IL1RN: variants seen among roughly 807,000 people sequenced by gnomAD.
IL1RN encodes interleukin 1 receptor antagonist, also known as interleukin-1 receptor antagonist protein.
Under a neutral mutation model 13.7 loss-of-function variants are expected in IL1RN, and 10 were observed. The ratio of observed to expected loss-of-function variants is 0.73; its 90% confidence interval spans 0.45 to 1.24. The LOEUF (loss-of-function observed/expected upper bound fraction) is 1.24, where lower values mean the gene tolerates loss of function less well. Ranked by LOEUF, IL1RN falls within the 50% of genes most tolerant of loss-of-function variation. The probability of loss-of-function intolerance (pLI) is 0.00; values close to 1 mark genes in which losing one functional copy is unlikely to be tolerated. For synonymous variants in IL1RN, 102 were observed against 82.7 expected, an observed-to-expected ratio of 1.23 and a Z score of -1.27; for missense variants, 213 against 222.1, an observed-to-expected ratio of 0.96 and a Z score of 0.26.
At chr2:113,106,842 A>G (rs1686393823), upstream of IL1RN, among the ~76,000 whole-genome samples, 1 of 152,234 alleles carries the variant, frequency 6.6e-6, no homozygotes, top group South Asian at 2.1e-4. Context: ...AAATAAATCA[A>G]ATTAAAAAGT....
In IL1RN at chr2:113,133,664, A is replaced by T. The variant is rs1687253220; in HGVS notation, c.*793A>T. The T allele has an allele frequency of 6.5e-6, 1 of 152,684 alleles. No homozygotes were observed. The highest frequency in any genetic ancestry group is 1.5e-5 in the Non-Finnish European group (1 of 68,130). The allele number at this position is 152,684 out of a possible 1,614,324, so 9.5% of individuals were successfully genotyped here. ...CAGATTTTTTACAGCTGCCTGCAGTACTTTACCTCCTATCAGAAGTTTCTC... is the reference window on the plus strand; with the variant it reads ...CAGATTTTTTACAGCTGCCTGCAGTTCTTTACCTCCTATCAGAAGTTTCTC... On this transcript the variant is annotated 3_prime_UTR_variant, in exon 4 of 4. Coordinates refer to ENST00000409930, the MANE Select transcript of IL1RN (RefSeq NM_173842.3).
chr2:113,119,030 C>T (rs1475403491), intron 1 of IL1RN, among the ~76,000 whole-genome samples: 1 of 152,046 alleles, frequency 6.6e-6, no homozygotes, highest in East Asian at 1.9e-4. Context: ...GAGAGAGACG[C>T]TCTCTCTAAA....
upstream of IL1RN, among the ~76,000 whole-genome samples, chr2:113,109,777 A>C (rs1686463037): frequency 2.0e-5 from 3 of 151,528 alleles, 1 homozygote; most frequent in Admixed American, 2.0e-4. Flanking sequence ...AAAAAAAAAA[A>C]CCTCAGCATA....
chr2:113,107,493 G>C (rs1686404938), upstream of IL1RN: 1 of 151,636 alleles, frequency 6.6e-6, no homozygotes, highest in South Asian at 2.1e-4. Flanking sequence ...GGAAGCCAAG[G>C]AACGTGGATC....
At chr2:113,120,189 T>C (rs1381088570) in intron 2 of IL1RN, 1 of 1,127,330 alleles carries the variant, frequency 8.9e-7, no homozygotes, top group Admixed American at 1.7e-5. Context: ...ATGAACAACA[T>C]CTTGATTATG....
chr2:113,112,630 G>A lies in IL1RN; in HGVS notation c.-387-370G>A, dbSNP rs75099309. ...CCCGCCCACGCTTTCTCTTACTTTGGGGCTTCTCACCGTTCCTCTTCCTCC... is the reference window on the plus strand; with the variant it reads ...CCCGCCCACGCTTTCTCTTACTTTGAGGCTTCTCACCGTTCCTCTTCCTCC... On this transcript the variant is annotated intron_variant, in intron 1 of 8. Transcript: ENST00000409052. Among the ~76,000 whole-genome samples, 285 of 152,110 alleles carry A rather than the reference G, an allele frequency of 1.9e-3. 2 individuals are homozygous for A. The highest frequency in any genetic ancestry group is 6.5e-3 in the African/African-American group (270 of 41,462).
intron 3 of IL1RN, 101 bp from the exon 4 acceptor site, chr2:113,132,555 C>T (rs1687209918): frequency 9.3e-7 from 1 of 1,081,020 alleles, no homozygotes. Context: ...TGTACTAACT[C>T]TGGGCTGTCC....
At chr2:113,113,410 CAGG>C (rs1686535090), upstream of IL1RN, among the ~76,000 whole-genome samples, 1 of 151,834 alleles carries the variant, frequency 6.6e-6, no homozygotes, top group Non-Finnish European at 1.5e-5. Flanking sequence ...TTGTCAGGAG[CAGG>C]AGAAAAGTGG....
upstream of IL1RN, among the ~76,000 whole-genome samples, chr2:113,104,230 T>C (rs529722282): frequency 2.4e-4 from 36 of 152,138 alleles, no homozygotes; most frequent in African/African-American, 4.8e-4. Context: ...CTTTGAAAGG[T>C]TAGAGGTAAA....
intron 1 of IL1RN, among the ~76,000 whole-genome samples, chr2:113,118,738 T>G (rs550788778): frequency 6.6e-6 from 1 of 152,294 alleles, no homozygotes; most frequent in South Asian, 2.1e-4. Context: ...AGTTTCTAAT[T>G]TAAAATTGGC....
At chr2:113,100,697 T>C in the IL1RN span, among the ~76,000 whole-genome samples, 1 of 152,140 alleles carries the variant, frequency 6.6e-6, no homozygotes, top group Non-Finnish European at 1.5e-5. Flanking sequence ...TTTAGACAGT[T>C]CTGACAGAAA....
chr2:113,121,960 A>C (rs924310054), intron 2 of IL1RN, among the ~76,000 whole-genome samples: 5 of 152,246 alleles, frequency 3.3e-5, no homozygotes, highest in African/African-American at 1.2e-4. Flanking sequence ...CTTTGTACTA[A>C]AATATTTACC....
upstream of IL1RN, among the ~76,000 whole-genome samples, chr2:113,109,898 T>C (rs772146025): frequency 6.6e-6 from 1 of 152,194 alleles, no homozygotes; most frequent in Non-Finnish European, 1.5e-5. Flanking sequence ...CATCCCCATT[T>C]TACAGATGGG....
At chr2:113,102,047 G>A in the IL1RN span, among the ~76,000 whole-genome samples, 99 of 152,328 alleles carry the variant, frequency 6.5e-4, no homozygotes, top group African/African-American at 2.2e-3. Flanking sequence ...GATTACAGGT[G>A]TGAGCCACCG....
intron 1 of IL1RN, among the ~76,000 whole-genome samples, chr2:113,119,603 A>C (rs1049953761): frequency 6.6e-6 from 1 of 152,166 alleles, no homozygotes; most frequent in Non-Finnish European, 1.5e-5. Flanking sequence ...TGTGTTTTTC[A>C]AATGTGTAAA....
At chr2:113,122,232 T>C (rs1011072053) in intron 2 of IL1RN, among the ~76,000 whole-genome samples, 2 of 152,200 alleles carry the variant, frequency 1.3e-5, no homozygotes, top group African/African-American at 2.4e-5. Flanking sequence ...AAAATGTTTG[T>C]ACTGAAATTT....
At chr2:113,120,111 A>G (rs144607130) in exon 2 of IL1RN, 1 of 1,613,280 alleles carries the variant, frequency 6.2e-7, no homozygotes, top group African/African-American at 1.3e-5. Flanking sequence ...GAAGGTGAAG[A>G]CAATGCTGAC....
At chr2:113,099,719 C>CCTTCTTTTTTGTTTTTT in the IL1RN span, among the ~76,000 whole-genome samples, 1 of 80,490 alleles carries the variant, frequency 1.2e-5, no homozygotes, top group African/African-American at 4.9e-5. Flanking sequence ...GCATCCTCTT[C>CCTTCTTTTTTGTTTTTT]TTTCTTTTCT....
At chr2:113,114,003 G>C (rs1352148760), upstream of IL1RN, among the ~76,000 whole-genome samples, 2 of 152,148 alleles carry the variant, frequency 1.3e-5, no homozygotes, top group African/African-American at 4.8e-5. Context: ...GTTGGCTCTT[G>C]TGGAATTATT....
Sources: allele counts gnomAD v4.1 joint callset (sites outside exome capture counted in the v4.1 genomes callset), GRCh38; gene constraint gnomAD v4.1.1; transcripts MANE v1.5; gene names NCBI Gene and HGNC (gene_info 2026-07-23, HGNC 2026-07-21).